Variants in A2ML1 observed in about 807,000 individuals in gnomAD.
A2ML1 encodes alpha-2-macroglobulin-like protein 1.
A neutral mutation model predicts 181.9 loss-of-function variants in A2ML1; 161 were observed. The observed-to-expected ratio is 0.89, with a 90% confidence interval of 0.78 to 1.01. A2ML1 has a LOEUF of 1.01. Ranked by LOEUF, A2ML1 falls within the 50% of genes least tolerant of loss-of-function variation. The pLI is 0.00. For synonymous variants in A2ML1, 663 were observed against 666.8 expected (o/e 0.99, Z 0.09); for missense variants, 1,670 against 1,768.1 (o/e 0.94, Z 1.00).
rs1341025903 is a variant in A2ML1 at position 8,861,221 on chromosome 12, C to CATTT, written c.3427_3430dup (p.Phe1144TyrfsTer16). On this transcript the variant is annotated frameshift_variant, in exon 28 of 36. Coordinates refer to ENST00000299698, the MANE Select transcript of A2ML1 (RefSeq NM_144670.6). LOFTEE classifies it high-confidence loss of function. ...TCTACACACAGGCCCTGTTGGCTTACATTTTCTCCCTGGCTGGGGAAATGG... is the reference window on the plus strand; with the variant it reads ...TCTACACACAGGCCCTGTTGGCTTACATTTATTTTCTCCCTGGCTGGGGAAATGG... The CATTT allele has an allele frequency of 1.9e-6, 3 of 1,614,186 alleles. No individual in the cohort carries two copies. In the Admixed American group the frequency reaches 5.0e-5, roughly 27 times the overall value.
At chr12:8,827,122 C>A (rs1481771965) in intron 3 of A2ML1, among the ~76,000 whole-genome samples, 1 of 152,086 alleles carries the variant, frequency 6.6e-6, no homozygotes, top group Non-Finnish European at 1.5e-5. Context: ...GGGCAAATCA[C>A]CTGAGATGAG....
Position 8,843,295 on chromosome 12 carries a change from G to C in A2ML1, c.1410G>C (p.Val470=). ...GPLKCGQPQE[V]LVDYYIDPAD... ...TGAAATGTGGCCAGCCCCAGGAAGT[G>C]CTGGTGGATTATTACATCGACCCGG... The change falls in exon 12 of 36, where the codon GTG becomes GTC. Residue 470 remains valine (V), a synonymous_variant. Coordinates refer to ENST00000299698, the MANE Select transcript of A2ML1 (RefSeq NM_144670.6). 1 of 1,614,180 alleles carries C rather than the reference G, an allele frequency of 6.2e-7. No homozygotes were observed. Among genetic ancestry groups the C allele is most frequent in the Non-Finnish European group, 8.5e-7 (1 of 1,180,048 alleles).
At chr12:8,884,099 T>C (rs1210522390) in intron 7 of A2ML1, among the ~76,000 whole-genome samples, 1 of 152,158 alleles carries the variant, frequency 6.6e-6, no homozygotes, top group African/African-American at 2.4e-5. Context: ...TTTTTTGAAT[T>C]CTAGCCATCT....
chr12:8,879,422 C>A (rs1322225756), downstream of A2ML1, among the ~76,000 whole-genome samples: 1 of 151,164 alleles, frequency 6.6e-6, no homozygotes, highest in East Asian at 2.0e-4. Context: ...ACCCGGGAGG[C>A]GGAGGTTGCA....
At chr12:8,831,474 C>A (rs1409381653) in intron 4 of A2ML1, among the ~76,000 whole-genome samples, 2 of 152,190 alleles carry the variant, frequency 1.3e-5, no homozygotes, top group African/African-American at 4.8e-5. Context: ...CCTCCCCACT[C>A]TATTTCTCCA....
chr12:8,853,938 A>G (rs1315345785), intron 20 of A2ML1, among the ~76,000 whole-genome samples, 190 bp from the exon 21 acceptor site: 1 of 152,162 alleles, frequency 6.6e-6, no homozygotes, highest in African/African-American at 2.4e-5. Flanking sequence ...ACACTGGACT[A>G]GCCTCTCTGG....
intron 28 of A2ML1, 87 bp downstream of exon 28, chr12:8,861,384 CAT>C: frequency 1.4e-6 from 2 of 1,434,308 alleles, no homozygotes; most frequent in Non-Finnish European, 9.6e-7. Context: ...CTGTCCCACA[CAT>C]GTACTCTAGG....
At chr12:8,831,717 T>A (rs1161633832) in intron 4 of A2ML1, among the ~76,000 whole-genome samples, 1 of 152,274 alleles carries the variant, frequency 6.6e-6, no homozygotes, top group Admixed American at 6.5e-5. Context: ...TCAGTCTCCC[T>A]GAGCATTTGG....
Position 8,837,514 on chromosome 12 carries a change from G to A in A2ML1, c.803G>A (p.Arg268Gln), listed in dbSNP as rs767510479. Residue 268 changes from arginine (R) to glutamine (Q), a missense_variant, in exon 8 of 36, where the codon CGA becomes CAA. Physicochemically the swap from Arg to Gln is conservative, Grantham distance 43. Transcript: ENST00000299698. Reference sequence around the variant, plus strand: ...CAGAAGGCAAATACTTACTGGTATCGAGAGGTGGAACGGGAACAGCTTCCT... The same window carrying A: ...CAGAAGGCAAATACTTACTGGTATCAAGAGGTGGAACGGGAACAGCTTCCT... ...VCQKANTYWY[R>Q]EVEREQLPDK... 36 of 1,613,934 alleles carry A rather than the reference G, an allele frequency of 2.2e-5. No homozygotes were observed. In the South Asian group the frequency reaches 2.7e-4, roughly 12 times the overall value.
At position 8,856,742 on chromosome 12, in the gene A2ML1, C is replaced by T. The variant is rs752095538; in HGVS notation, c.2849-422C>T. On this transcript the variant is annotated intron_variant, in intron 23 of 35. Coordinates refer to ENST00000299698, the MANE Select transcript of A2ML1 (RefSeq NM_144670.6). ...TGCCTCTCCGTGTCCCCTAGCACCTCGTACATATCCAGTATGACATTGTAG... is the reference window on the plus strand; with the variant it reads ...TGCCTCTCCGTGTCCCCTAGCACCTTGTACATATCCAGTATGACATTGTAG... Among the ~76,000 whole-genome samples the T allele has an allele frequency of 4.7e-4, 72 of 152,054 alleles. 1 individual carries two copies. The highest frequency in any genetic ancestry group is 4.7e-3 in the Admixed American group (71 of 15,254).
intron 29 of A2ML1, among the ~76,000 whole-genome samples, chr12:8,867,004 A>G (rs1453632010): frequency 6.6e-6 from 1 of 152,208 alleles, no homozygotes; most frequent in African/African-American, 2.4e-5. Context: ...ACTTAGTGAC[A>G]GTTTATCTGT....
chr12:8,851,355 C>T (rs189087351), intron 18 of A2ML1, among the ~76,000 whole-genome samples: 2 of 152,134 alleles, frequency 1.3e-5, no homozygotes, highest in Admixed American at 1.3e-4. Flanking sequence ...TCAGTTGCCT[C>T]TTTACTTCTC....
intron 7 of A2ML1, among the ~76,000 whole-genome samples, chr12:8,883,616 T>A (rs1244233447): frequency 1.3e-5 from 2 of 151,538 alleles, no homozygotes; most frequent in African/African-American, 4.9e-5. Context: ...TAGCTGGGAT[T>A]ACAGGTGCCC....
intron 28 of A2ML1, among the ~76,000 whole-genome samples, chr12:8,862,213 A>G (rs1306289603): frequency 6.6e-6 from 1 of 151,734 alleles, no homozygotes; most frequent in Admixed American, 6.6e-5. Flanking sequence ...TTTACTTTTT[A>G]TTTTTTTGAG....
chr12:8,845,637 G>A (rs1046875771), intron 13 of A2ML1, 135 bp downstream of exon 13: 1 of 777,414 alleles, frequency 1.3e-6, no homozygotes, highest in Non-Finnish European at 2.1e-6. Flanking sequence ...CACGATGTCG[G>A]GAGATCGAGA....
chr12:8,846,867 G>A (rs370985308), intron 14 of A2ML1, among the ~76,000 whole-genome samples: 2 of 151,590 alleles, frequency 1.3e-5, no homozygotes, highest in African/African-American at 4.8e-5. Flanking sequence ...GTCCCAGCTA[G>A]TCGGAAGGCT....
chr12:8,850,576 TCAA>T (rs1255491806), intron 18 of A2ML1, among the ~76,000 whole-genome samples: 1 of 151,662 alleles, frequency 6.6e-6, no homozygotes, highest in South Asian at 2.1e-4. Flanking sequence ...CTTCTCAAAA[TCAA>T]CAACGACAAC....
chr12:8,863,210 G>C (rs1944327143), intron 28 of A2ML1, among the ~76,000 whole-genome samples: 1 of 151,774 alleles, frequency 6.6e-6, no homozygotes, highest in Non-Finnish European at 1.5e-5. Flanking sequence ...GGGTTCAAAT[G>C]ATTCTCCTGC....
intron 26 of A2ML1, among the ~76,000 whole-genome samples, chr12:8,860,482 G>A (rs1179453682): frequency 3.9e-5 from 6 of 152,180 alleles, no homozygotes; most frequent in Non-Finnish European, 7.3e-5. Flanking sequence ...AATCTCTGCT[G>A]GAGAAGGGCT....
Sources: gnomAD v4.1 joint callset for allele counts (sites outside exome capture counted in the v4.1 genomes callset) on GRCh38, gnomAD v4.1.1 for gene constraint, MANE v1.5 for transcripts, NCBI Gene and HGNC (gene_info 2026-07-23, HGNC 2026-07-21) for gene names.